Variants in SCN10A observed in about 807,000 individuals in gnomAD.
The protein encoded by SCN10A is sodium voltage-gated channel alpha subunit 10.
SCN10A carries 162 observed loss-of-function variants against 170.7 expected under a neutral mutation model. The observed-to-expected ratio is 0.95, with a 90% CI of 0.84 to 1.08. SCN10A has a LOEUF of 1.08. Ranked by LOEUF, SCN10A falls within the 50% of genes least tolerant of loss-of-function variation. The pLI is 0.00. For synonymous variants in SCN10A, 985 were observed against 904.6 expected (o/e 1.09, Z -1.59); for missense variants, 2,527 against 2,436.9 (o/e 1.04, Z -0.78).
intron 13 of SCN10A, among the ~76,000 whole-genome samples, chr3:38,745,213 C>T (rs2063673764): frequency 6.6e-6 from 1 of 152,162 alleles, no homozygotes; most frequent in Non-Finnish European, 1.5e-5. Context: ...AAAGTATCTA[C>T]TTGCCAGCTT....
intron 4 of SCN10A, among the ~76,000 whole-genome samples, chr3:38,782,294 G>A (rs558305325): frequency 6.6e-6 from 1 of 152,108 alleles, no homozygotes; most frequent in South Asian, 2.1e-4. Context: ...CAGGGCCTCT[G>A]GGGCTTGTTG....
chr3:38,706,657 G>A (rs113990917), intron 26 of SCN10A, among the ~76,000 whole-genome samples: 98 of 152,288 alleles, frequency 6.4e-4, no homozygotes, highest in African/African-American at 2.3e-3. Context: ...TGTGTGGTAT[G>A]GGTAGTACAT....
Position 38,752,409 on chromosome 3 carries a change from T to A in SCN10A, c.1565A>T (p.Asp522Val), listed in dbSNP as rs1208322324. ...GTGGTCTCCAGGAAAGACTCCATCA[T>A]CTGTGACTCCCTCAGGGAGTGAGAT... The part of the protein sequence containing the change: ...RDISLPEGVT[D>V]DGVFPGDHES... The change falls in exon 12 of 28, where the codon GAT (aspartate) becomes GTT (valine). Residue 522 changes from aspartate to valine, a missense_variant. By Grantham distance (152) the Asp-to-Val change is radical (BLOSUM62 -3). Transcript: ENST00000449082. 5.6e-6 allele frequency: 9 copies of A among 1,613,838 alleles called. No homozygotes were observed. Among genetic ancestry groups the A allele is most frequent in the Non-Finnish European group, 6.8e-6 (8 of 1,179,904 alleles).
At chr3:38,788,886 A>C in intron 4 of SCN10A, 70 bp downstream of exon 4, 1 of 935,728 alleles carries the variant, frequency 1.1e-6, no homozygotes, top group Non-Finnish European at 1.8e-6. Context: ...ATAAAAGACA[A>C]AGACTGCCAA....
chr3:38,722,411 T>A lies in SCN10A; in HGVS notation c.3354A>T (p.Gly1118=), dbSNP rs770004970. The A allele has an allele frequency of 1.9e-6, 3 of 1,613,034 alleles. No individual in the cohort carries two copies. The highest frequency in any genetic ancestry group is 2.5e-6 in the Non-Finnish European group (3 of 1,179,592). The change falls in exon 20 of 28, where the codon GGA becomes GGT. Residue 1118 remains glycine, a splice_region_variant and synonymous_variant. Transcript: ENST00000449082. Reference sequence around the variant, plus strand: ...TGCAGCAGGGACAGTGGCGAATGCATCCTGTGGGGAGAGGTGACTGATGGT... The same window carrying A: ...TGCAGCAGGGACAGTGGCGAATGCAACCTGTGGGGAGAGGTGACTGATGGT... ...LEEPDDCFTE[G]CIRHCPCCKL...
At chr3:38,763,031 C>T (rs2126033905) in intron 6 of SCN10A, among the ~76,000 whole-genome samples, 1 of 152,296 alleles carries the variant, frequency 6.6e-6, no homozygotes, top group East Asian at 1.9e-4. Context: ...TTTCTGAATT[C>T]TCAGTAATCA....
chr3:38,763,061 T>C (rs1353745857), intron 6 of SCN10A, among the ~76,000 whole-genome samples: 3 of 152,220 alleles, frequency 2.0e-5, no homozygotes, highest in African/African-American at 7.2e-5. Context: ...TAATTCTTTT[T>C]TCCTCTGGGT....
intron 1 of SCN10A, among the ~76,000 whole-genome samples, chr3:38,811,880 AC>A (rs1336648340): frequency 5.9e-5 from 9 of 152,310 alleles, no homozygotes; most frequent in Non-Finnish European, 1.3e-4. Flanking sequence ...AGCAGGGGAA[AC>A]AGTGAGGTGT....
chr3:38,728,837 T>A lies in SCN10A; in HGVS notation c.2345A>T (p.Asn782Ile), dbSNP rs1361846482. 1 of 1,614,084 alleles carries A rather than the reference T, an allele frequency of 6.2e-7. No homozygotes were observed. The highest frequency in any genetic ancestry group is 8.5e-7 in the Non-Finnish European group (1 of 1,180,018). Reference protein sequence around the residue: ...TLNTLIKIIGNSVGALGNLTI... With the variant: ...TLNTLIKIIGISVGALGNLTI... ...GAGGTTCCCCAGTGCCCCCACTGAGTTTCCGATGATCTTGATGAGTGTGTT... is the reference window on the plus strand; with the variant it reads ...GAGGTTCCCCAGTGCCCCCACTGAGATTCCGATGATCTTGATGAGTGTGTT... Residue 782 changes from asparagine (N) to isoleucine (I), a missense_variant, in exon 16 of 28, where the codon AAC becomes ATC. Physicochemically the swap from Asn to Ile is moderately radical, Grantham distance 149. Coordinates refer to ENST00000449082, the MANE Select transcript of SCN10A (RefSeq NM_006514.4).
chr3:38,812,611 C>A (rs4274690), intron 1 of SCN10A, among the ~76,000 whole-genome samples: 77,782 of 151,860 alleles, frequency 0.51, 22,191 homozygotes, highest in East Asian at 0.71. Context: ...CAGTGGCTAC[C>A]CCTCTCCTGC....
chr3:38,750,413 G>C (rs951777514), intron 12 of SCN10A, among the ~76,000 whole-genome samples: 2 of 152,188 alleles, frequency 1.3e-5, no homozygotes, highest in East Asian at 3.8e-4. Flanking sequence ...AGGCTAAATA[G>C]TGTGGCCTAT....
rs1387400331 is a variant in SCN10A, at chr3:38,725,446, T to C, written c.3088-132A>G. ...TATATGCAACTCATGTACATACATA[T>C]ATACATACACGTGTGTGAAGTGAGC... On this transcript the variant is annotated intron_variant, in intron 17 of 27. Transcript: ENST00000449082. 1.3e-5 allele frequency: 9 copies of C among 690,908 alleles called. No homozygotes were observed. In the African/African-American group the frequency reaches 1.4e-4, roughly 11 times the overall value. 42.8% of individuals were successfully genotyped at this position (690,908 alleles called of 1,614,324 possible).
chr3:38,749,539 T>C (rs915829850), intron 13 of SCN10A, among the ~76,000 whole-genome samples: 3 of 152,182 alleles, frequency 2.0e-5, no homozygotes, highest in Non-Finnish European at 2.9e-5. Flanking sequence ...TCCCACTTGA[T>C]TGGTAGAATT....
In SCN10A at chr3:38,736,962, C is replaced by CTTT. The variant is rs2063567359; in HGVS notation, c.2280+2552_2280+2553insAAA. ...CTTCCCCAAGTGTAGCAGAAATGTTCGTTTTTTTTTTTTTTTTTTTTTTTT... is the reference window on the plus strand; with the variant it reads ...CTTCCCCAAGTGTAGCAGAAATGTTCTTTGTTTTTTTTTTTTTTTTTTTTTTTT... On this transcript the variant is annotated intron_variant, in intron 15 of 27. Transcript: ENST00000449082. 3.4e-3 allele frequency among the ~76,000 whole-genome samples: 238 copies of CTTT among 69,212 alleles called. 15 individuals carry two copies. Among genetic ancestry groups the CTTT allele is most frequent in the African/African-American group, 0.012 (224 of 19,106 alleles). 45.4% of individuals were successfully genotyped at this position (69,212 alleles called of 152,430 possible).
At chr3:38,711,852 T>C (rs2063277358) in intron 23 of SCN10A, among the ~76,000 whole-genome samples, 1 of 152,264 alleles carries the variant, frequency 6.6e-6, no homozygotes, top group Non-Finnish European at 1.5e-5. Flanking sequence ...AGACTGAACA[T>C]GTGGCTATGC....
chr3:38,752,869 A>C (rs6599253), intron 11 of SCN10A, among the ~76,000 whole-genome samples: 62,111 of 152,092 alleles, frequency 0.41, 13,591 homozygotes, highest in East Asian at 0.79. Flanking sequence ...TCCTAAGTTC[A>C]CTTTTCCACA....
At chr3:38,722,596 G>A (rs1233379474) in intron 19 of SCN10A, among the ~76,000 whole-genome samples, 184 bp from the exon 20 acceptor site, 3 of 152,202 alleles carry the variant, frequency 2.0e-5, no homozygotes, top group Non-Finnish European at 4.4e-5. Flanking sequence ...AGACCAACAG[G>A]TGTTCCTCTC....
In SCN10A at chr3:38,698,240, C is replaced by A. The variant is rs544529883; in HGVS notation, c.4980G>T (p.Ser1660=). The change falls in exon 28 of 28, where the codon TCG becomes TCT. Residue 1660 remains serine, a synonymous_variant. Transcript: ENST00000449082. ...SMLCLFQITT[S]AGWDGLLSPI... ...GGCTGAGGAGGCCATCCCAGCCGGC[C>A]GACGTGGTAATCTGGAAGAGGCACA... 3 of 1,614,072 alleles carry A rather than the reference C, an allele frequency of 1.9e-6. No homozygotes were observed. The highest frequency in any genetic ancestry group is 2.5e-6 in the Non-Finnish European group (3 of 1,180,010).
At chr3:38,725,806 G>A (rs2063448016) in intron 17 of SCN10A, among the ~76,000 whole-genome samples, 1 of 152,248 alleles carries the variant, frequency 6.6e-6, no homozygotes, top group Non-Finnish European at 1.5e-5. Context: ...CTGTCACAGA[G>A]TTCATGCTCT....
Sources: allele counts gnomAD v4.1 joint callset (sites outside exome capture counted in the v4.1 genomes callset), GRCh38; gene constraint gnomAD v4.1.1; transcripts MANE v1.5; gene names NCBI Gene and HGNC (gene_info 2026-07-23, HGNC 2026-07-21).